The following NOTCH3 variants were observed in gnomAD, a reference collection of about 807,000 sequenced individuals.
The protein encoded by NOTCH3 is notch receptor 3.
A neutral mutation model predicts 213.3 loss-of-function variants in NOTCH3; 86 were observed. The ratio of observed to expected loss-of-function variants is 0.40; its 90% CI spans 0.34 to 0.48. The LOEUF is 0.48. NOTCH3 is among the 20% of genes least tolerant of loss of function. The pLI is 0.57. For missense variants in NOTCH3, 2,783 were observed against 3,272.6 expected, an observed-to-expected ratio of 0.85 and a Z score of 3.65; for synonymous variants, 1,354 against 1,355.9, an observed-to-expected ratio of 1.00 and a Z score of 0.03.
At position 15,179,463 on chromosome 19, in the gene NOTCH3, C is replaced by T. The variant is rs2145419101; in HGVS notation, c.3361G>A (p.Asp1121Asn). 6.2e-7 allele frequency: 1 copy of T among 1,614,060 alleles called. No homozygotes were observed. The highest frequency in any genetic ancestry group is 1.1e-5 in the South Asian group (1 of 91,084). The change falls in exon 21 of 33, where the codon GAC becomes AAC. Residue 1121 changes from aspartate (D) to asparagine (N), a missense_variant. This residue lies in a region of NOTCH3 where 861 missense variants were observed against 909.1 expected (regional missense o/e 0.95). Transcript: ENST00000263388. ...LPGYNGDNCE[D>N]DVDECASQPC... ...TGGGAGGCACACTCGTCCACGTCGT[C>T]CTCACAGTTATCACCATTGTAGCCA...
chr19:15,165,339 G>A lies in NOTCH3; in HGVS notation c.5815+29C>T, dbSNP rs368589806. The stretch of plus-strand genomic sequence containing the variant: ...TCAGGGCCCAGGTGACACCAACCCA[G>A]CTTAGACTTGATTCCTCTGCCAACC... On this transcript the variant is annotated intron_variant, in intron 31 of 32. Transcript: ENST00000263388. This position sits in a 1 kb window ranked among gnomAD's most constrained non-coding sequence, Gnocchi z 4.7. 401 of 1,600,830 alleles carry A rather than the reference G, an allele frequency of 2.5e-4. No individual in the cohort carries two copies. Among genetic ancestry groups the A allele is most frequent in the Non-Finnish European group, 3.1e-4 (369 of 1,179,380 alleles).
At chr19:15,192,633 T>G in intron 2 of NOTCH3, 114 bp from the exon 3 acceptor site, 1 of 1,435,910 alleles carries the variant, frequency 7.0e-7, no homozygotes, top group Non-Finnish European at 9.4e-7. Context: ...AACACACATT[T>G]GCTGGGAGCA....
Position 15,161,414 on chromosome 19 carries a change from G to GCCCCGC in NOTCH3, c.6208_6213dup (p.Ala2070_Gly2071dup). The GCCCCGC allele has an allele frequency of 6.5e-7, 1 of 1,528,898 alleles. No homozygotes were observed. Among genetic ancestry groups the GCCCCGC allele is most frequent in the South Asian group, 1.2e-5 (1 of 82,396 alleles). The allele number at this position is 1,528,898 out of a possible 1,614,324, so 94.7% of individuals were successfully genotyped here. ...CGCCCCCGGGGCCCCTGCGGCCCCA[G>GCCCCGC]CCCCGCCTTCCCGGGGGGCCTCCTG... On this transcript the variant is annotated inframe_insertion, in exon 33 of 33. Coordinates refer to ENST00000263388, the MANE Select transcript of NOTCH3 (RefSeq NM_000435.3).
intron 2 of NOTCH3, among the ~76,000 whole-genome samples, chr19:15,193,180 A>T (rs564259054): frequency 2.6e-5 from 4 of 152,196 alleles, no homozygotes; most frequent in Non-Finnish European, 5.9e-5. Context: ...GATGACATCC[A>T]TGTCCCAGAA....
chr19:15,178,631 C>T (rs1188025792), intron 23 of NOTCH3, 192 bp downstream of exon 23: 8 of 631,304 alleles, frequency 1.3e-5, no homozygotes, highest in Admixed American at 9.3e-5. Flanking sequence ...GTGATCCTCC[C>T]GCCTCGGCCT....
At chr19:15,183,789 G>A (rs1242192314) in intron 16 of NOTCH3, among the ~76,000 whole-genome samples, 5 of 152,010 alleles carry the variant, frequency 3.3e-5, no homozygotes, top group African/African-American at 9.7e-5. Context: ...GGTTGCTCAC[G>A]CCTGTAATCC....
intron 32 of NOTCH3, 192 bp downstream of exon 32, chr19:15,162,273 C>T: frequency 1.7e-6 from 1 of 599,916 alleles, no homozygotes; most frequent in Non-Finnish European, 3.0e-6. Flanking sequence ...TGAACCACCA[C>T]ACCCAGCCAT....
intron 25 of NOTCH3, among the ~76,000 whole-genome samples, chr19:15,173,089 CTTCTTCTTCTTCTTCTTTTTTTTTTT>C (rs2046751299): frequency 4.9e-5 from 2 of 41,236 alleles, no homozygotes; most frequent in African/African-American, 2.4e-4. Flanking sequence ...TCTTCTTCTT[CTTCTTCTTCTTCTTCTTTTTTTTTTT>C]TTTTTTTTTT....
At position 15,178,014 on chromosome 19, in the gene NOTCH3, TG is replaced by T. The variant is rs2046806943; in HGVS notation, c.3913del (p.Gln1305SerfsTer115). 6.8e-7 allele frequency: 1 copy of T among 1,480,720 alleles called. No homozygotes were observed. The highest frequency in any genetic ancestry group is 2.2e-5 in the Admixed American group (1 of 45,564). The allele number at this position is 1,480,720 out of a possible 1,614,324, so 91.7% of individuals were successfully genotyped here. A position where few individuals can be genotyped will look rare whatever the true frequency, so the allele number is the denominator to read the frequency against. ...ELQCPVGVPCQQTPRGPRCAC... is the reference protein window; with the variant it reads ...ELQCPVGVPCXQTPRGPRCAC... ...GCAGCGCGGCCCGCGGGGCGTCTGCTGGCATGGGACGCCCACCGGGCACTGC... is the reference window on the plus strand; with the variant it reads ...GCAGCGCGGCCCGCGGGGCGTCTGCTGCATGGGACGCCCACCGGGCACTGC... On this transcript the variant is annotated frameshift_variant, in exon 24 of 33. Transcript: ENST00000263388. LOFTEE classifies it high-confidence loss of function.
rs748212002 is a variant in NOTCH3 at position 15,179,478 on chromosome 19, C to T, written c.3346G>A (p.Gly1116Ser). The T allele has an allele frequency of 6.2e-7, 1 of 1,614,082 alleles. No homozygotes were observed. Among genetic ancestry groups the T allele is most frequent in the Admixed American group, 1.7e-5 (1 of 60,026 alleles). Residue 1116 changes from glycine to serine, a missense_variant, in exon 21 of 33, where the codon GGT (glycine) becomes AGT (serine). This residue lies in a region of NOTCH3 where 861 missense variants were observed against 909.1 expected (regional missense o/e 0.95). Transcript: ENST00000263388. ...YMCECLPGYN[G>S]DNCEDDVDEC... ...TCCACGTCGTCCTCACAGTTATCAC[C>T]ATTGTAGCCAGGAAGACACTTCAGT...
In NOTCH3 at chr19:15,185,278, T is replaced by G. The variant is rs1442324683; in HGVS notation, c.2275A>C (p.Thr759Pro). The G allele has an allele frequency of 6.2e-7, 1 of 1,610,094 alleles. No individual in the cohort carries two copies. The highest frequency in any genetic ancestry group is 2.2e-5 in the East Asian group (1 of 44,680). ...CSSDGMGFHC[T>P]CPPGVQGRQC... ...ACACCCTGGACACCAGGCGGGCAGG[T>G]GCAGTGGAAACCCATTCCATCGCTG... The change falls in exon 14 of 33, where the codon ACC (threonine) becomes CCC (proline). Residue 759 changes from threonine to proline, a missense_variant. Thr to Pro is a conservative substitution (Grantham distance 38). Around this residue, in one of 6 missense-constraint regions of NOTCH3, gnomAD observed 861 missense variants for 909.1 expected, o/e 0.95. Coordinates refer to ENST00000263388, the MANE Select transcript of NOTCH3 (RefSeq NM_000435.3). This position sits in a 1 kb window ranked among gnomAD's most constrained non-coding sequence, Gnocchi z 4.2.
chr19:15,200,511 G>A (rs1205590357), intron 1 of NOTCH3, among the ~76,000 whole-genome samples: 2 of 152,016 alleles, frequency 1.3e-5, no homozygotes, highest in East Asian at 1.9e-4. Context: ...CCCACCTCGA[G>A]TCCCTGATCC....
At chr19:15,195,605 A>C (rs2046963458) in intron 2 of NOTCH3, among the ~76,000 whole-genome samples, 1 of 150,710 alleles carries the variant, frequency 6.6e-6, no homozygotes. Context: ...CCAGCGAAAC[A>C]GGTCGGGGCA....
chr19:15,190,652 C>G (rs1047081903), intron 6 of NOTCH3, among the ~76,000 whole-genome samples: 6 of 152,220 alleles, frequency 3.9e-5, no homozygotes, highest in Non-Finnish European at 5.9e-5. Flanking sequence ...GTGGCTCAGT[C>G]TCAGCTCACT....
chr19:15,166,960 G>C (rs2046691170), intron 29 of NOTCH3, among the ~76,000 whole-genome samples: 1 of 151,598 alleles, frequency 6.6e-6, no homozygotes, highest in Non-Finnish European at 1.5e-5. Flanking sequence ...CTTTTCTGGA[G>C]CATTAAGAAG....
chr19:15,161,398 G>A lies in NOTCH3; in HGVS notation c.6230C>T (p.Pro2077Leu). The change falls in exon 33 of 33, where the codon CCC becomes CTC. Residue 2077 changes from proline (P) to leucine (L), a missense_variant. By Grantham distance (98) the Pro-to-Leu change is moderately conservative. Transcript: ENST00000263388. ...CGTCAGCTTCTTGCCCCGCCCCCGG[G>A]GCCCCTGCGGCCCCAGCCCCGCCTT... ...PGKAGLGPQG[P>L]RGRGKKLTLA... The A allele has an allele frequency of 6.6e-7, 1 of 1,522,140 alleles. No individual in the cohort carries two copies. 94.3% of individuals were successfully genotyped at this position (1,522,140 alleles called of 1,614,324 possible). A position where few individuals can be genotyped will look rare whatever the true frequency, so the allele number is the denominator to read the frequency against.
chr19:15,192,733 G>A (rs2046940220), intron 2 of NOTCH3, among the ~76,000 whole-genome samples: 2 of 152,174 alleles, frequency 1.3e-5, no homozygotes, highest in Admixed American at 6.5e-5. Flanking sequence ...TAGCCAACAT[G>A]GTGTAACCCC....
intron 5 of NOTCH3, 24 bp from the exon 6 acceptor site, chr19:15,191,681 C>G (rs1252298913): frequency 6.2e-7 from 1 of 1,613,424 alleles, no homozygotes; most frequent in South Asian, 1.1e-5. Context: ...ATGCAGCAGT[C>G]CAGCCACCTG....
intron 17 of NOTCH3, among the ~76,000 whole-genome samples, 190 bp downstream of exon 17, chr19:15,181,386 C>G (rs1003623755): frequency 2.0e-5 from 3 of 152,224 alleles, no homozygotes; most frequent in African/African-American, 7.2e-5. Flanking sequence ...CTCTCAGGCA[C>G]CAGAGACTCC....
Sources: gnomAD v4.1 joint callset for allele counts (sites outside exome capture counted in the v4.1 genomes callset) on GRCh38, gnomAD v4.1.1 for gene constraint, gnomAD v4.1.1 regional missense constraint, Gnocchi (gnomAD v3.1) non-coding constraint, MANE v1.5 for transcripts, NCBI Gene and HGNC (gene_info 2026-07-23, HGNC 2026-07-21) for gene names.